The following RGS7 variants were observed in gnomAD, a reference collection of about 807,000 sequenced individuals.
RGS7 encodes the protein regulator of G protein signaling 7.
RGS7 carries 27 observed loss-of-function variants against 81.1 expected under a neutral mutation model. The observed-to-expected ratio is 0.33, with a 90% CI of 0.25 to 0.46. RGS7 has a LOEUF of 0.46. Among genes scored for constraint, RGS7 ranks in the 20% least tolerant of loss-of-function variants. The pLI is 1.00. For missense variants in RGS7, 396 were observed against 607.4 expected, an observed-to-expected ratio of 0.65 and a Z score of 3.66; for synonymous variants, 208 against 207.7, an observed-to-expected ratio of 1.00 and a Z score of -0.01.
chr1:240,819,457 G>A (rs1209978487), intron 10 of RGS7, among the ~76,000 whole-genome samples: 3 of 152,136 alleles, frequency 2.0e-5, no homozygotes, highest in Non-Finnish European at 4.4e-5. Context: ...GGTCCGATAC[G>A]AGGCCGGGCG....
chr1:240,909,778 G>A (rs1356861046), intron 6 of RGS7, among the ~76,000 whole-genome samples: 1 of 152,172 alleles, frequency 6.6e-6, no homozygotes, highest in African/African-American at 2.4e-5. Flanking sequence ...TTAACCTTTT[G>A]CTGTCTAAGG....
chr1:241,342,453 T>A (rs2082622345), intron 2 of RGS7, among the ~76,000 whole-genome samples: 2 of 152,208 alleles, frequency 1.3e-5, no homozygotes, highest in Admixed American at 6.5e-5. Flanking sequence ...AAAACCTCCA[T>A]GAGATTATTT....
chr1:240,806,283 C>A lies in RGS7; in HGVS notation c.1126G>T (p.Glu376Ter). ...ATTTCCTGAACTCTTGAGGGTACTT[C>A]TTTAATAGGCCTCTTTTTCAGGTCC... ...VEDLKKRPIK[E>*]VPSRVQEIWQ... Residue 376 changes from glutamate (E) to a stop codon, truncating the protein, a stop_gained, in exon 15 of 19, where the codon GAA (glutamate) becomes TAA (stop). Coordinates refer to ENST00000440928, the MANE Select transcript of RGS7 (RefSeq NM_001364886.1). LOFTEE classifies it high-confidence loss of function. The A allele has an allele frequency of 6.2e-7, 1 of 1,614,018 alleles. No individual in the cohort carries two copies. The highest frequency in any genetic ancestry group is 8.5e-7 in the Non-Finnish European group (1 of 1,179,974).
chr1:241,090,363 G>A (rs2063798076), intron 3 of RGS7, among the ~76,000 whole-genome samples: 1 of 152,148 alleles, frequency 6.6e-6, no homozygotes, highest in Non-Finnish European at 1.5e-5. Flanking sequence ...TTTTACTGAG[G>A]CAGAAACCAG....
chr1:240,955,894 TAAATGCA>T (rs1195755936), intron 4 of RGS7, among the ~76,000 whole-genome samples: 3 of 151,280 alleles, frequency 2.0e-5, no homozygotes, highest in African/African-American at 7.3e-5. Context: ...ATTATAGACC[TAAATGCA>T]AAATGCAAAA....
chr1:241,351,449 A>C (rs2083245166), intron 2 of RGS7, among the ~76,000 whole-genome samples: 3 of 150,934 alleles, frequency 2.0e-5, no homozygotes. Context: ...AGAATGGAGC[A>C]ATCTTAACCC....
chr1:241,259,650 C>CAAAAAAAAAAAAAAAAAAAAAAAAAA (rs71571832), intron 2 of RGS7, among the ~76,000 whole-genome samples: 3 of 39,906 alleles, frequency 7.5e-5, no homozygotes, highest in Admixed American at 5.2e-4. Context: ...AACTCCGTCT[C>CAAAAAAAAAAAAAAAAAAAAAAAAAA]AAAAAAAAAA....
chr1:240,970,472 A>G (rs898652241), intron 4 of RGS7, among the ~76,000 whole-genome samples: 1 of 152,238 alleles, frequency 6.6e-6, no homozygotes, highest in East Asian at 1.9e-4. Flanking sequence ...CCAAAAACAA[A>G]TAAGGTGGGG....
intron 3 of RGS7, among the ~76,000 whole-genome samples, chr1:241,063,016 G>T (rs1215032177): frequency 6.6e-6 from 1 of 152,088 alleles, no homozygotes; most frequent in African/African-American, 2.4e-5. Flanking sequence ...ACACACACAC[G>T]GATATAAGTC....
intron 4 of RGS7, among the ~76,000 whole-genome samples, chr1:240,952,293 A>G (rs1679696960): frequency 6.6e-6 from 1 of 152,132 alleles, no homozygotes; most frequent in African/African-American, 2.4e-5. Context: ...AAATAATAGT[A>G]ACAGTATTAG....
chr1:241,223,842 G>A (rs907127471), intron 2 of RGS7, among the ~76,000 whole-genome samples: 1 of 151,876 alleles, frequency 6.6e-6, no homozygotes, highest in Non-Finnish European at 1.5e-5. Context: ...ATAAAACACT[G>A]AGTATTTTTG....
intron 2 of RGS7, among the ~76,000 whole-genome samples, chr1:241,228,009 A>G (rs2075421110): frequency 6.6e-6 from 1 of 152,178 alleles, no homozygotes; most frequent in Non-Finnish European, 1.5e-5. Flanking sequence ...CTGGTAGCCA[A>G]CAGGAGGTGG....
chr1:240,905,991 C>G (rs1222701802), intron 6 of RGS7, among the ~76,000 whole-genome samples: 1 of 152,202 alleles, frequency 6.6e-6, no homozygotes, highest in Non-Finnish European at 1.5e-5. Context: ...CCTGGAGCTA[C>G]TAATTTCCCA....
At chr1:240,974,030 T>C (rs1683689344) in intron 4 of RGS7, among the ~76,000 whole-genome samples, 1 of 152,216 alleles carries the variant, frequency 6.6e-6, no homozygotes, top group Non-Finnish European at 1.5e-5. Context: ...CACTTTCTTC[T>C]TCAGAAGACT....
At chr1:241,147,778 T>TC (rs2068419712) in intron 2 of RGS7, among the ~76,000 whole-genome samples, 1 of 19,410 alleles carries the variant, frequency 5.2e-5, no homozygotes, top group Non-Finnish European at 1.2e-4. Context: ...CTAGATTAAG[T>TC]TTTATATATA....
chr1:240,970,876 A>G (rs76527835), intron 4 of RGS7, among the ~76,000 whole-genome samples: 61,798 of 151,372 alleles, frequency 0.41, 13,053 homozygotes, highest in East Asian at 0.67. Flanking sequence ...CTACACAGGG[A>G]GCTGAGACAG....
intron 2 of RGS7, among the ~76,000 whole-genome samples, chr1:241,322,724 C>T (rs751869928): frequency 6.6e-6 from 1 of 152,166 alleles, no homozygotes; most frequent in African/African-American, 2.4e-5. Context: ...TAAGTACCAA[C>T]ATGGTTACTA....
At position 241,355,732 on chromosome 1, in the gene RGS7, G is replaced by C. The variant is rs775458133; in HGVS notation, c.45C>G (p.Ala15=). The C allele has an allele frequency of 2.5e-6, 4 of 1,613,930 alleles. No homozygotes were observed. The highest frequency in any genetic ancestry group is 2.2e-5 in the South Asian group (2 of 91,082). Residue 15 remains alanine, a synonymous_variant, in exon 2 of 19, where the codon GCC becomes GCG. Transcript: ENST00000440928. ...NNYGQTSNGV[A]DESPNMLVYR... is the part of the protein sequence containing the mutation. ...ACACCAGCATGTTGGGTGATTCATC[G>C]GCCACCCCGTTGCTGGTCTGCCCAT...
At chr1:241,328,526 T>C (rs2081757464) in intron 2 of RGS7, among the ~76,000 whole-genome samples, 1 of 152,192 alleles carries the variant, frequency 6.6e-6, no homozygotes, top group East Asian at 1.9e-4. Flanking sequence ...CACATAACCA[T>C]ACTCTGATGG....
Sources: allele counts gnomAD v4.1 joint callset (sites outside exome capture counted in the v4.1 genomes callset), GRCh38; gene constraint gnomAD v4.1.1; transcripts MANE v1.5; gene names NCBI Gene and HGNC (gene_info 2026-07-23, HGNC 2026-07-21).